FBXW11: variants seen among roughly 807,000 people sequenced by gnomAD.
The protein encoded by FBXW11 is F-box and WD repeat domain containing 11, also known as F-box/WD repeat-containing protein 11.
In FBXW11, 19 loss-of-function variants were observed where a neutral mutation model predicts 77.6. That is an observed-to-expected ratio of 0.24 (90% confidence interval 0.17 to 0.36). The LOEUF is 0.36. Among genes scored for constraint, FBXW11 ranks in the 10% least tolerant of loss-of-function variants. FBXW11 has a pLI of 1.00. For synonymous variants in FBXW11, 235 were observed against 249.4 expected (o/e 0.94, Z 0.54); for missense variants, 334 against 704.2 (o/e 0.47, Z 5.95).
intron 7 of FBXW11, among the ~76,000 whole-genome samples, chr5:171,890,556 A>C (rs1402071147): frequency 6.6e-6 from 1 of 152,016 alleles, no homozygotes; most frequent in Non-Finnish European, 1.5e-5. Context: ...TTTGGAGAAC[A>C]GCTGGGCAGT....
intron 4 of FBXW11, among the ~76,000 whole-genome samples, chr5:171,902,910 T>C (rs1760232276): frequency 6.6e-6 from 1 of 152,194 alleles, no homozygotes; most frequent in African/African-American, 2.4e-5. Flanking sequence ...GGGGGGATGG[T>C]GGGATTAGGT....
At chr5:171,991,006 A>G (rs533530200) in intron 1 of FBXW11, among the ~76,000 whole-genome samples, 68 of 152,160 alleles carry the variant, frequency 4.5e-4, no homozygotes, top group Non-Finnish European at 8.2e-4. Context: ...TCGTATTTTT[A>G]GTAGAGACGG....
At chr5:171,926,321 T>C (rs1243869790) in intron 2 of FBXW11, among the ~76,000 whole-genome samples, 6 of 152,214 alleles carry the variant, frequency 3.9e-5, no homozygotes, top group Non-Finnish European at 5.9e-5. Context: ...AGGGCCTCCC[T>C]GGCAGAGTAA....
intron 2 of FBXW11, among the ~76,000 whole-genome samples, chr5:171,935,614 A>G (rs1762432349): frequency 6.6e-6 from 1 of 152,168 alleles, no homozygotes; most frequent in Non-Finnish European, 1.5e-5. Flanking sequence ...TAATTTAAGA[A>G]GAAACCTTTA....
chr5:171,949,786 T>C (rs1329536001), intron 2 of FBXW11, among the ~76,000 whole-genome samples: 2 of 152,190 alleles, frequency 1.3e-5, no homozygotes, highest in Non-Finnish European at 2.9e-5. Flanking sequence ...AAGATACCAT[T>C]TCTGCATTTT....
At chr5:172,002,399 A>G (rs1397143679) in intron 1 of FBXW11, among the ~76,000 whole-genome samples, 1 of 149,042 alleles carries the variant, frequency 6.7e-6, no homozygotes, top group Non-Finnish European at 1.5e-5. Context: ...AGTGAGGTCC[A>G]TATATTTTAT....
At chr5:171,878,596 G>GAC (rs60905065) in intron 7 of FBXW11, among the ~76,000 whole-genome samples, 42,957 of 134,014 alleles carry the variant, frequency 0.32, 7,292 homozygotes, top group South Asian at 0.45. Context: ...GTGTGTAAGA[G>GAC]AGAGAGAGTG....
intron 2 of FBXW11, among the ~76,000 whole-genome samples, chr5:171,940,635 A>T (rs913063727): frequency 5.3e-5 from 8 of 152,208 alleles, no homozygotes; most frequent in Non-Finnish European, 1.0e-4. Flanking sequence ...CATGTCTGTA[A>T]TCCCGGCACT....
intron 2 of FBXW11, among the ~76,000 whole-genome samples, chr5:171,947,735 G>C (rs1255370788): frequency 2.6e-5 from 4 of 152,216 alleles, no homozygotes; most frequent in African/African-American, 9.6e-5. Context: ...GGGGAACATA[G>C]GGAGACGCCA....
intron 1 of FBXW11, among the ~76,000 whole-genome samples, chr5:171,995,626 C>T (rs182190858): frequency 1.6e-3 from 239 of 152,036 alleles, no homozygotes; most frequent in African/African-American, 5.3e-3. Context: ...TGGTGGTGGG[C>T]GCCTGTAGTC....
chr5:171,868,646 T>C lies in FBXW11; in HGVS notation c.1681A>G (p.Ile561Val). The C allele has an allele frequency of 8.7e-6, 14 of 1,613,110 alleles. No individual in the cohort carries two copies. The highest frequency in any genetic ancestry group is 8.5e-6 in the Non-Finnish European group (10 of 1,179,664). Residue 561 changes from isoleucine to valine, a missense_variant, in exon 13 of 14, where the codon ATC (isoleucine) becomes GTC (valine). Coordinates refer to ENST00000517395, the MANE Select transcript of FBXW11 (RefSeq NM_001378974.1). ...GAAAGTGCAGACTGTTATCTAGAGA[T>C]GTAAGTGTATGTTCTGGAGGGAGAA... ...TRSPSRTYTY[I>V]SR
At chr5:171,978,372 GT>G (rs1365333313) in intron 1 of FBXW11, among the ~76,000 whole-genome samples, 1 of 152,144 alleles carries the variant, frequency 6.6e-6, no homozygotes, top group Non-Finnish European at 1.5e-5. Context: ...ACATATATAA[GT>G]TTTTTCAAGG....
rs1757156034 is a variant in FBXW11 at position 171,862,581 on chromosome 5, GAGA to G, written c.*1543_*1545del. The stretch of plus-strand genomic sequence containing the variant: ...AAATCAAACCTAATATTGAATAAGG[GAGA>G]AGGAGTGCCAATTGGATGCCAACGT... On this transcript the variant is annotated 3_prime_UTR_variant, in exon 14 of 14. Coordinates refer to ENST00000517395, the MANE Select transcript of FBXW11 (RefSeq NM_001378974.1). 4 of 152,814 alleles carry G rather than the reference GAGA, an allele frequency of 2.6e-5. No homozygotes were observed. Among genetic ancestry groups the G allele is most frequent in the Admixed American group, 2.6e-4 (4 of 15,310 alleles). 9.5% of individuals were successfully genotyped at this position (152,814 alleles called of 1,614,324 possible). A position where few individuals can be genotyped will look rare whatever the true frequency, so the allele number is the denominator to read the frequency against.
chr5:171,898,272 T>C (rs995746950), intron 6 of FBXW11, among the ~76,000 whole-genome samples: 3 of 152,220 alleles, frequency 2.0e-5, no homozygotes, highest in Non-Finnish European at 2.9e-5. Context: ...TGGGTGATAT[T>C]GCATTGCCTA....
At position 171,869,643 on chromosome 5, in the gene FBXW11, T is replaced by C. The variant is rs1313003028; in HGVS notation, c.1530+86A>G. The C allele has an allele frequency of 2.1e-6, 2 of 963,012 alleles. No homozygotes were observed. The highest frequency in any genetic ancestry group is 3.0e-6 in the Non-Finnish European group (2 of 665,076). 59.7% of individuals were successfully genotyped at this position (963,012 alleles called of 1,614,324 possible). On this transcript the variant is annotated intron_variant, in intron 12 of 13. Coordinates refer to ENST00000517395, the MANE Select transcript of FBXW11 (RefSeq NM_001378974.1). This position sits in a 1 kb window ranked among gnomAD's most constrained non-coding sequence, Gnocchi z 4.1. ...AGGCATCTTGTGAGACACACAAGCGTTCCTGTGATACACCTAGACAGGACT... is the reference window on the plus strand; with the variant it reads ...AGGCATCTTGTGAGACACACAAGCGCTCCTGTGATACACCTAGACAGGACT...
intron 10 of FBXW11, among the ~76,000 whole-genome samples, chr5:171,871,714 T>C (rs1227994007): frequency 6.6e-6 from 1 of 152,238 alleles, no homozygotes; most frequent in African/African-American, 2.4e-5. Flanking sequence ...CTATAACTTT[T>C]TCTTAGCCTC....
intron 2 of FBXW11, among the ~76,000 whole-genome samples, chr5:171,948,241 A>G (rs1403528618): frequency 2.0e-5 from 3 of 151,696 alleles, no homozygotes; most frequent in Non-Finnish European, 2.9e-5. Context: ...ACTCAAAAAA[A>G]AAAAAAAAAA....
chr5:171,997,250 G>C (rs938117464), intron 1 of FBXW11, among the ~76,000 whole-genome samples: 1 of 152,166 alleles, frequency 6.6e-6, no homozygotes, highest in Non-Finnish European at 1.5e-5. Flanking sequence ...TACAAAACTC[G>C]TAACAAATAA....
intron 2 of FBXW11, among the ~76,000 whole-genome samples, chr5:171,947,716 T>A (rs1370400212): frequency 6.6e-6 from 1 of 152,102 alleles, no homozygotes; most frequent in Non-Finnish European, 1.5e-5. Context: ...ATTAAAAATG[T>A]ACCAGCCTGG....
Sources: gnomAD v4.1 joint callset for allele counts (sites outside exome capture counted in the v4.1 genomes callset) on GRCh38, gnomAD v4.1.1 for gene constraint, Gnocchi (gnomAD v3.1) non-coding constraint, MANE v1.5 for transcripts, NCBI Gene and HGNC (gene_info 2026-07-23, HGNC 2026-07-21) for gene names.